CALN1: variants seen among roughly 807,000 people sequenced by gnomAD.
CALN1 encodes the protein calcium-binding protein 8.
A neutral mutation model predicts 30.6 loss-of-function variants in CALN1; 17 were observed. That is an observed-to-expected ratio of 0.56 (90% CI 0.38 to 0.83). The LOEUF (loss-of-function observed/expected upper bound fraction) is 0.83. Among genes scored for constraint, CALN1 ranks in the 40% least tolerant of loss-of-function variants. CALN1 has a pLI of 0.00. For missense variants in CALN1, 291 were observed against 354.9 expected (o/e 0.82, Z 1.45); for synonymous variants, 156 against 131.4 (o/e 1.19, Z -1.28).
intron 4 of CALN1, among the ~76,000 whole-genome samples, chr7:72,053,156 G>C (rs1802947735): frequency 6.6e-6 from 1 of 152,224 alleles, no homozygotes; most frequent in Admixed American, 6.5e-5. Flanking sequence ...CTTGAGCCCA[G>C]GAGGTGGAGT....
chr7:72,487,889 GAAAAGAAAGAAAGAAAGAAAGAAAGAAA>G, the CALN1 span, among the ~76,000 whole-genome samples: 1 of 51,940 alleles, frequency 1.9e-5, no homozygotes, highest in South Asian at 7.9e-4. Flanking sequence ...AGAAAGAAAA[GAAAAGAAAGAAAGAAAGAAAGAAAGAAA>G]GAAGGAAGGA....
At chr7:72,187,084 G>C (rs1197262721) in intron 3 of CALN1, among the ~76,000 whole-genome samples, 1 of 151,838 alleles carries the variant, frequency 6.6e-6, no homozygotes, top group Non-Finnish European at 1.5e-5. Context: ...GAATATGATT[G>C]CTTTAGCCAG....
At chr7:72,096,151 G>A (rs1029225722) in intron 4 of CALN1, among the ~76,000 whole-genome samples, 4 of 152,190 alleles carry the variant, frequency 2.6e-5, no homozygotes, top group African/African-American at 9.6e-5. Context: ...TAGGGCCTGA[G>A]TTGGAGCATC....
rs1328746976 is a variant in CALN1, at chr7:71,968,267, G to GAAA, written c.501+55387_501+55389dup. ...GAATCTTGAAAGCATTATACTGAAT[G>GAAA]AAAAAAAGCCAGGCCAAAAGGTTAT... On this transcript the variant is annotated intron_variant, in intron 5 of 6. Coordinates refer to ENST00000395275, the MANE Select transcript of CALN1 (RefSeq NM_031468.4). Among the ~76,000 whole-genome samples, 11 of 152,132 alleles carry GAAA rather than the reference G, an allele frequency of 7.2e-5. No homozygotes were observed. In the East Asian group the frequency reaches 2.1e-3, roughly 29 times the overall value.
intron 2 of CALN1, among the ~76,000 whole-genome samples, chr7:72,324,775 G>A (rs1801150486): frequency 6.6e-6 from 1 of 151,520 alleles, no homozygotes; most frequent in Non-Finnish European, 1.5e-5. Flanking sequence ...GTAGAGACAG[G>A]GTTTCACCCT....
chr7:72,372,680 G>A (rs1804316616), intron 2 of CALN1, among the ~76,000 whole-genome samples: 2 of 152,134 alleles, frequency 1.3e-5, no homozygotes, highest in African/African-American at 4.8e-5. Context: ...CAATGCAAAA[G>A]CTTTGGAAAT....
At chr7:72,019,761 C>T (rs967651588) in intron 5 of CALN1, among the ~76,000 whole-genome samples, 1 of 152,156 alleles carries the variant, frequency 6.6e-6, no homozygotes, top group African/African-American at 2.4e-5. Flanking sequence ...TAGAACCACC[C>T]AGCTCAGCCA....
the CALN1 span, among the ~76,000 whole-genome samples, chr7:72,453,006 T>C: frequency 1.3e-5 from 2 of 152,062 alleles, no homozygotes; most frequent in Non-Finnish European, 2.9e-5. Context: ...CAGCAGAGAG[T>C]TGGCTCAAGC....
intron 3 of CALN1, among the ~76,000 whole-genome samples, chr7:72,203,742 A>G (rs1391759208): frequency 6.6e-6 from 1 of 152,198 alleles, no homozygotes; most frequent in Non-Finnish European, 1.5e-5. Context: ...AAACAGGGCA[A>G]CATCATTTAA....
At chr7:71,943,735 C>G (rs1056268229) in intron 5 of CALN1, among the ~76,000 whole-genome samples, 2 of 152,052 alleles carry the variant, frequency 1.3e-5, no homozygotes, top group African/African-American at 4.8e-5. Context: ...AGCCACCAGG[C>G]CAGGCCAAAA....
At chr7:72,269,245 A>G (rs1585313773) in intron 3 of CALN1, among the ~76,000 whole-genome samples, 1 of 152,212 alleles carries the variant, frequency 6.6e-6, no homozygotes, top group East Asian at 1.9e-4. Context: ...TTTAGGGTAC[A>G]TGTGCACAAT....
intron 5 of CALN1, among the ~76,000 whole-genome samples, chr7:71,971,945 AAAAAAAAAAAAG>A (rs1562946500): frequency 9.4e-5 from 10 of 106,738 alleles, no homozygotes; most frequent in African/African-American, 3.0e-4. Flanking sequence ...AAAAAAAAAA[AAAAAAAAAAAAG>A]AAAGAAAGAA....
intron 2 of CALN1, among the ~76,000 whole-genome samples, chr7:72,290,546 G>C (rs547817284): frequency 3.3e-5 from 5 of 152,272 alleles, no homozygotes; most frequent in South Asian, 2.1e-4. Flanking sequence ...TTCAACCCTT[G>C]AACAGTTATG....
Position 72,211,989 on chromosome 7 carries a change from T to C in CALN1, c.244+66697A>G, listed in dbSNP as rs117540315. On this transcript the variant is annotated intron_variant, in intron 3 of 6. Transcript: ENST00000395275. ...CGACTCGTAATAGATGCTTGATGAA[T>C]AACCGTTTTTTATGGCTCCTAGATA... 1.3e-3 allele frequency among the ~76,000 whole-genome samples: 198 copies of C among 152,306 alleles called. 8 individuals carry two copies. In the East Asian group the frequency reaches 0.036, roughly 28 times the overall value.
chr7:72,268,707 G>C (rs1796753667), intron 3 of CALN1, among the ~76,000 whole-genome samples: 1 of 151,750 alleles, frequency 6.6e-6, no homozygotes. Context: ...CGAGGCAGGA[G>C]AATCACTTCA....
chr7:72,045,643 C>T (rs970347531), intron 4 of CALN1, among the ~76,000 whole-genome samples: 25 of 152,106 alleles, frequency 1.6e-4, no homozygotes, highest in African/African-American at 6.0e-4. Flanking sequence ...ATTCTCCTGC[C>T]TCAGCCTCCT....
At chr7:72,230,342 T>TAAAAAAAAAAAAAA (rs3032182) in intron 3 of CALN1, among the ~76,000 whole-genome samples, 7 of 124,860 alleles carry the variant, frequency 5.6e-5, no homozygotes, top group Non-Finnish European at 1.1e-4. Context: ...CAATAGATAC[T>TAAAAAAAAAAAAAA]AAAAAAAAAA....
At chr7:72,207,616 C>A (rs766573834) in intron 3 of CALN1, among the ~76,000 whole-genome samples, 2 of 139,082 alleles carry the variant, frequency 1.4e-5, no homozygotes, top group African/African-American at 5.6e-5. Flanking sequence ...GCACCCATCC[C>A]GCTTACTTTC....
At chr7:72,182,779 AAC>A (rs1491484530) in intron 3 of CALN1, among the ~76,000 whole-genome samples, 10 of 149,454 alleles carry the variant, frequency 6.7e-5, no homozygotes, top group African/African-American at 1.7e-4. Context: ...TAAAAAAAAA[AAC>A]AAACAAAAAT....
Sources: allele counts gnomAD v4.1 joint callset (sites outside exome capture counted in the v4.1 genomes callset), GRCh38; gene constraint gnomAD v4.1.1; transcripts MANE v1.5; gene names NCBI Gene and HGNC (gene_info 2026-07-23, HGNC 2026-07-21).